The following GFPT1 variants were observed in gnomAD, a reference collection of about 807,000 sequenced individuals.
The protein encoded by GFPT1 is glutamine--fructose-6-phosphate transaminase 1.
A neutral mutation model predicts 92.0 loss-of-function variants in GFPT1; 40 were observed. The observed-to-expected ratio is 0.43, with a 90% CI of 0.34 to 0.57. The LOEUF (loss-of-function observed/expected upper bound fraction) is 0.57. Among genes scored for constraint, GFPT1 ranks in the 20% least tolerant of loss-of-function variants. The pLI is 0.02. For synonymous variants in GFPT1, 269 were observed against 280.6 expected (o/e 0.96, Z 0.41); for missense variants, 448 against 869.1 (o/e 0.52, Z 6.09).
intron 6 of GFPT1, among the ~76,000 whole-genome samples, chr2:69,357,354 C>T (rs142350271): frequency 5.9e-5 from 9 of 152,348 alleles, no homozygotes; most frequent in African/African-American, 2.2e-4. Context: ...CACCATACAA[C>T]TCCATCAACC....
At chr2:69,360,721 A>G (rs1320932960) in intron 4 of GFPT1, among the ~76,000 whole-genome samples, 2 of 152,158 alleles carry the variant, frequency 1.3e-5, no homozygotes, top group African/African-American at 2.4e-5. Flanking sequence ...ATGAGCCACT[A>G]TGCCAGGCCA....
intron 10 of GFPT1, among the ~76,000 whole-genome samples, chr2:69,348,946 C>T (rs1248578812): frequency 6.6e-6 from 1 of 152,190 alleles, no homozygotes; most frequent in Non-Finnish European, 1.5e-5. Context: ...ATTCTGGCCA[C>T]ACTCAAAGCC....
intron 12 of GFPT1, among the ~76,000 whole-genome samples, chr2:69,343,038 T>TA (rs1486050971): frequency 6.6e-6 from 1 of 152,218 alleles, no homozygotes; most frequent in Non-Finnish European, 1.5e-5. Context: ...CTCCATATGC[T>TA]ACCAGAAGGA....
At chr2:69,328,701 C>CTTTTT (rs10634143) in intron 17 of GFPT1, among the ~76,000 whole-genome samples, 8 of 136,214 alleles carry the variant, frequency 5.9e-5, no homozygotes, top group Non-Finnish European at 7.7e-5. Flanking sequence ...CTGGTTAACC[C>CTTTTT]TTTTTTTTTT....
At chr2:69,361,021 C>T (rs1671459502) in intron 4 of GFPT1, among the ~76,000 whole-genome samples, 1 of 152,106 alleles carries the variant, frequency 6.6e-6, no homozygotes, top group Non-Finnish European at 1.5e-5. Context: ...AGGCATGAGT[C>T]ACCACACCCG....
chr2:69,337,422 G>A (rs10196679), intron 15 of GFPT1, among the ~76,000 whole-genome samples: 10 of 152,228 alleles, frequency 6.6e-5, no homozygotes, highest in African/African-American at 2.2e-4. Flanking sequence ...GAGGTAGTAT[G>A]TATATTTTTA....
chr2:69,346,016 C>T lies in GFPT1; in HGVS notation c.1010-17G>A. 1 of 1,342,170 alleles carries T rather than the reference C, an allele frequency of 7.5e-7. No individual in the cohort carries two copies. 83.1% of individuals were successfully genotyped at this position (1,342,170 alleles called of 1,614,324 possible). On this transcript the variant is annotated splice_polypyrimidine_tract_variant and intron_variant, in intron 11 of 19. Transcript: ENST00000357308. ...TGAAGTTGCCTATAGTAATAGAAAT[C>T]ACATAATTAAAACAAAAACAAATCA... is the stretch of plus-strand genomic sequence containing the variant.
intron 1 of GFPT1, among the ~76,000 whole-genome samples, chr2:69,375,678 T>G (rs1671853103): frequency 6.6e-6 from 1 of 152,206 alleles, no homozygotes; most frequent in Non-Finnish European, 1.5e-5. Flanking sequence ...TTTTTAAGCT[T>G]TCCTGTAATG....
rs1670840058 is a variant in GFPT1 at position 69,337,898 on chromosome 2, C to T, written c.1482G>A (p.Lys494=). The change falls in exon 15 of 20, where the codon AAG becomes AAA. Residue 494 remains lysine, a splice_region_variant and synonymous_variant. Transcript: ENST00000357308. ...TCAGAGAAATGAGTCAAGAATTTAC[C>T]TTTGTACTGGCCACACCAATCTCAG... The part of the protein sequence containing the change: ...AGPEIGVAST[K]AYTSQFVSLV... The T allele has an allele frequency of 6.2e-7, 1 of 1,612,932 alleles. No individual in the cohort carries two copies. Among genetic ancestry groups the T allele is most frequent in the Non-Finnish European group, 8.5e-7 (1 of 1,179,058 alleles).
chr2:69,338,344 G>T lies in GFPT1; in HGVS notation c.1324+101C>A, dbSNP rs976924152. On this transcript the variant is annotated intron_variant, in intron 14 of 19. Coordinates refer to ENST00000357308, the MANE Select transcript of GFPT1 (RefSeq NM_001244710.2). ...TAAATCTGTATTCGTCAAGTCATCT[G>T]CAATGCCAGTTTATCTTTAAATATC... 1.0e-5 allele frequency: 10 copies of T among 977,348 alleles called. No homozygotes were observed. In the Admixed American group the frequency reaches 1.8e-4, roughly 17 times the overall value. The allele number at this position is 977,348 out of a possible 1,614,324, so 60.5% of individuals were successfully genotyped here.
intron 19 of GFPT1, 81 bp from the exon 20 acceptor site, chr2:69,326,314 T>G (rs1558724181): frequency 1.2e-6 from 1 of 842,154 alleles, no homozygotes. Flanking sequence ...AAGCAAATTA[T>G]TTTTGTTTAT....
At chr2:69,347,480 CT>C (rs202193663) in intron 11 of GFPT1, among the ~76,000 whole-genome samples, 144 of 144,276 alleles carry the variant, frequency 1.0e-3, no homozygotes, top group Admixed American at 9.7e-4. Context: ...TTTTAAGCTT[CT>C]TTTTTTTTTT....
At chr2:69,360,308 AAC>A (rs1671436797) in intron 4 of GFPT1, among the ~76,000 whole-genome samples, 1 of 149,240 alleles carries the variant, frequency 6.7e-6, no homozygotes, top group Non-Finnish European at 1.5e-5. Flanking sequence ...CAGCCTGGGC[AAC>A]AGAGTGAGAT....
At chr2:69,374,418 A>G (rs906759169) in intron 1 of GFPT1, among the ~76,000 whole-genome samples, 1 of 151,192 alleles carries the variant, frequency 6.6e-6, no homozygotes, top group Non-Finnish European at 1.5e-5. Context: ...GGTTCACACC[A>G]TTCTCCTGCC....
intron 1 of GFPT1, among the ~76,000 whole-genome samples, chr2:69,384,915 T>C (rs1050720292): frequency 6.6e-6 from 1 of 152,146 alleles, no homozygotes; most frequent in Non-Finnish European, 1.5e-5. Context: ...TCAGGAATTT[T>C]AGTTCAATGA....
At chr2:69,386,225 T>C (rs139123862) in intron 1 of GFPT1, among the ~76,000 whole-genome samples, 49 of 152,282 alleles carry the variant, frequency 3.2e-4, no homozygotes, top group African/African-American at 1.1e-3. Context: ...TCTCAAAACA[T>C]GGAATAAAAG....
chr2:69,321,188 C>T lies in GFPT1; in HGVS notation c.*5001G>A, dbSNP rs13396883. ...TAAAAGTTTTAATCATTGCATACCC[C>T]GTAAACTTCCTATAAACAATATGTT... On this transcript the variant is annotated 3_prime_UTR_variant, in exon 20 of 20. Coordinates refer to ENST00000357308, the MANE Select transcript of GFPT1 (RefSeq NM_001244710.2). 100,589 of 152,094 alleles carry T rather than the reference C, an allele frequency of 0.66. 34,818 individuals carry two copies. The highest frequency in any genetic ancestry group is 0.88 in the African/African-American group (36,619 of 41,522). 9.4% of individuals were successfully genotyped at this position (152,094 alleles called of 1,614,324 possible).
chr2:69,386,259 C>T (rs1558792400), intron 1 of GFPT1, among the ~76,000 whole-genome samples: 1 of 152,228 alleles, frequency 6.6e-6, no homozygotes, highest in Non-Finnish European at 1.5e-5. Flanking sequence ...TTTTTTAAGG[C>T]TCTAGGAAAG....
Position 69,387,161 on chromosome 2 carries a change from TCGGGGGC to T in GFPT1, c.-97_-91del. On this transcript the variant is annotated 5_prime_UTR_variant, in exon 1 of 20. Coordinates refer to ENST00000357308, the MANE Select transcript of GFPT1 (RefSeq NM_001244710.2). Reference sequence around the variant, plus strand: ...GAGCTTCGGTGGGCAATCTGCGGGCTCGGGGGCCGGGGTGGCGCCGACACGACTCCCT... The same window carrying T: ...GAGCTTCGGTGGGCAATCTGCGGGCTCGGGGTGGCGCCGACACGACTCCCT... The T allele has an allele frequency of 7.0e-7, 1 of 1,427,704 alleles. No individual in the cohort carries two copies. The highest frequency in any genetic ancestry group is 1.3e-5 in the South Asian group (1 of 75,384). The allele number at this position is 1,427,704 out of a possible 1,614,324, so 88.4% of individuals were successfully genotyped here.
Sources: gnomAD v4.1 joint callset for allele counts (sites outside exome capture counted in the v4.1 genomes callset) on GRCh38, gnomAD v4.1.1 for gene constraint, MANE v1.5 for transcripts, NCBI Gene and HGNC (gene_info 2026-07-23, HGNC 2026-07-21) for gene names.